Variants in TCF12 observed in about 807,000 individuals in gnomAD.
The protein encoded by TCF12 is transcription factor 12, also known as DNA-binding protein HTF4.
In TCF12, 45 loss-of-function variants were observed where a neutral mutation model predicts 86.0. The ratio of observed to expected loss-of-function variants is 0.52; its 90% CI spans 0.41 to 0.67. The LOEUF is 0.67. TCF12 is among the 30% of genes least tolerant of loss of function. The pLI is 0.00. For synonymous variants in TCF12, 330 were observed against 299.6 expected (o/e 1.10, Z -1.05); for missense variants, 881 against 859.9 (o/e 1.02, Z -0.31).
intron 3 of TCF12, among the ~76,000 whole-genome samples, chr15:56,939,842 C>G (rs892530802): frequency 1.3e-5 from 2 of 151,974 alleles, no homozygotes; most frequent in Non-Finnish European, 2.9e-5. Context: ...TTACTCTGCT[C>G]AAGGATGAGC....
At position 57,287,689 on chromosome 15, in the gene TCF12, C is replaced by G. The variant is rs1391289719; in HGVS notation, c.*1544C>G. The G allele has an allele frequency of 6.6e-6, 1 of 152,620 alleles. No individual in the cohort carries two copies. The highest frequency in any genetic ancestry group is 1.5e-5 in the Non-Finnish European group (1 of 68,042). The allele number at this position is 152,620 out of a possible 1,614,324, so 9.5% of individuals were successfully genotyped here. A position where few individuals can be genotyped will look rare whatever the true frequency, so the allele number is the denominator to read the frequency against. ...CACACAGAGGAAAGGACCCAAATCA[C>G]TATGTAGCTTAAAGATTTCTGTTAA... is the stretch of plus-strand genomic sequence containing the variant. On this transcript the variant is annotated 3_prime_UTR_variant, in exon 21 of 21. Coordinates refer to ENST00000333725, the MANE Select transcript of TCF12 (RefSeq NM_207037.2).
At chr15:57,024,915 G>T (rs906759191) in intron 3 of TCF12, among the ~76,000 whole-genome samples, 1 of 152,186 alleles carries the variant, frequency 6.6e-6, no homozygotes, top group African/African-American at 2.4e-5. Context: ...ACATTAAAAT[G>T]TTGGGTTATG....
chr15:57,010,552 T>G (rs2064764951), intron 3 of TCF12, among the ~76,000 whole-genome samples: 1 of 152,226 alleles, frequency 6.6e-6, no homozygotes, highest in Non-Finnish European at 1.5e-5. Flanking sequence ...AAGAGGATTT[T>G]TTGACTCTTA....
chr15:56,969,865 G>A (rs2062200483), intron 3 of TCF12, among the ~76,000 whole-genome samples: 1 of 152,194 alleles, frequency 6.6e-6, no homozygotes, highest in Non-Finnish European at 1.5e-5. Context: ...TCAGAAGACT[G>A]TGTATGCAGT....
downstream of TCF12, among the ~76,000 whole-genome samples, chr15:57,290,643 G>A (rs945160244): frequency 2.6e-5 from 4 of 152,214 alleles, no homozygotes; most frequent in African/African-American, 9.6e-5. Flanking sequence ...AGCCCAGTGA[G>A]GGTGTTCTGG....
intron 11 of TCF12, among the ~76,000 whole-genome samples, chr15:57,233,342 A>AT (rs1295325110): frequency 5.3e-5 from 8 of 150,088 alleles, no homozygotes; most frequent in Non-Finnish European, 5.9e-5. Flanking sequence ...TACTCAGCTA[A>AT]TTTTTTTTTA....
At chr15:57,093,236 A>AT (rs537103176) in intron 5 of TCF12, among the ~76,000 whole-genome samples, 79 of 152,318 alleles carry the variant, frequency 5.2e-4, no homozygotes, top group South Asian at 2.1e-3. Context: ...TTTCTAATTT[A>AT]TTTTTTAAAT....
intron 19 of TCF12, among the ~76,000 whole-genome samples, chr15:57,280,542 A>G (rs2061640089): frequency 6.6e-6 from 1 of 152,220 alleles, no homozygotes. Flanking sequence ...GTAAATGTGT[A>G]TTGAAATTTA....
chr15:57,181,773 G>A (rs1437203868), intron 6 of TCF12, among the ~76,000 whole-genome samples: 1 of 152,104 alleles, frequency 6.6e-6, no homozygotes, highest in Non-Finnish European at 1.5e-5. Context: ...CTAGAGGTTT[G>A]TCATATGTAA....
intron 20 of TCF12, 83 bp downstream of exon 20, chr15:57,282,681 C>A (rs1298916693): frequency 6.7e-7 from 1 of 1,488,078 alleles, no homozygotes; most frequent in East Asian, 2.3e-5. Flanking sequence ...GAACAGAATT[C>A]TCTAGTGAGC....
chr15:56,974,942 G>T (rs1351609739), intron 3 of TCF12, among the ~76,000 whole-genome samples: 2 of 152,090 alleles, frequency 1.3e-5, no homozygotes, highest in Non-Finnish European at 2.9e-5. Context: ...TTTACAGAAT[G>T]TATTTGTTTA....
At chr15:57,126,501 T>G (rs2051661697) in intron 5 of TCF12, among the ~76,000 whole-genome samples, 1 of 152,226 alleles carries the variant, frequency 6.6e-6, no homozygotes, top group Non-Finnish European at 1.5e-5. Context: ...TCATTTCTCA[T>G]GCATATTGCT....
chr15:57,233,126 A>G (rs1341901241), intron 11 of TCF12, among the ~76,000 whole-genome samples: 2 of 145,876 alleles, frequency 1.4e-5, no homozygotes, highest in African/African-American at 2.7e-5. Context: ...TTGTGTATAT[A>G]TGTATATATG....
At chr15:57,087,727 T>C (rs1321765385) in intron 4 of TCF12, among the ~76,000 whole-genome samples, 1 of 152,172 alleles carries the variant, frequency 6.6e-6, no homozygotes, top group Non-Finnish European at 1.5e-5. Flanking sequence ...ATCAACTGAT[T>C]TTATCAATTA....
intron 12 of TCF12, among the ~76,000 whole-genome samples, chr15:57,239,515 C>CAAAAAAAAAAAA (rs67591734): frequency 9.3e-6 from 1 of 107,160 alleles, no homozygotes; most frequent in Non-Finnish European, 1.7e-5. Context: ...GACTCCATCT[C>CAAAAAAAAAAAA]AAAAAAAAAA....
At chr15:57,180,004 T>A (rs2056224903) in intron 6 of TCF12, among the ~76,000 whole-genome samples, 1 of 152,208 alleles carries the variant, frequency 6.6e-6, no homozygotes, top group Non-Finnish European at 1.5e-5. Context: ...TGCATCACTA[T>A]CTAATGAGAT....
At chr15:57,143,559 A>G (rs1340568198) in intron 5 of TCF12, among the ~76,000 whole-genome samples, 1 of 152,180 alleles carries the variant, frequency 6.6e-6, no homozygotes, top group Non-Finnish European at 1.5e-5. Context: ...TGTTCCATGT[A>G]TAGAGAAGGA....
intron 8 of TCF12, chr15:57,219,132 A>G: frequency 9.4e-7 from 1 of 1,064,746 alleles, no homozygotes; most frequent in Non-Finnish European, 1.1e-6. Flanking sequence ...AAAACAGATT[A>G]GCAGAAAATC....
intron 4 of TCF12, among the ~76,000 whole-genome samples, chr15:57,074,998 G>A (rs950141382): frequency 2.0e-5 from 3 of 151,284 alleles, no homozygotes; most frequent in African/African-American, 7.3e-5. Flanking sequence ...AGCTTGAAAC[G>A]TTTCCCTTCA....
Sources: gnomAD v4.1 joint callset for allele counts (sites outside exome capture counted in the v4.1 genomes callset) on GRCh38, gnomAD v4.1.1 for gene constraint, MANE v1.5 for transcripts, NCBI Gene and HGNC (gene_info 2026-07-23, HGNC 2026-07-21) for gene names.